Variants in MYO1D observed in about 807,000 individuals in gnomAD.
The protein encoded by MYO1D is unconventional myosin-Id.
A neutral mutation model predicts 122.0 loss-of-function variants in MYO1D; 83 were observed. The ratio of observed to expected loss-of-function variants is 0.68; its 90% CI spans 0.57 to 0.82. The LOEUF (loss-of-function observed/expected upper bound fraction) is 0.82, where lower values mean the gene tolerates loss of function less well. MYO1D is among the 40% of genes least tolerant of loss of function. The probability of loss-of-function intolerance (pLI) is 0.00; values close to 1 mark genes in which losing one functional copy is unlikely to be tolerated. For missense variants in MYO1D, 1,157 were observed against 1,269.5 expected, an observed-to-expected ratio of 0.91 and a Z score of 1.35; for synonymous variants, 464 against 446.9, an observed-to-expected ratio of 1.04 and a Z score of -0.48.
rs186338473 is a variant in MYO1D, at chr17:32,716,613, T to G, written c.1913+4410A>C. Among the ~76,000 whole-genome samples, 266 of 152,252 alleles carry G rather than the reference T, an allele frequency of 1.7e-3. 1 individual carries two copies. The highest frequency in any genetic ancestry group is 6.2e-3 in the African/African-American group (257 of 41,562). On this transcript the variant is annotated intron_variant, in intron 15 of 21. Transcript: ENST00000318217. ...AGAGGTAATACCAAACAATGTCACA[T>G]GAAAAAAAGTGAAATCAGAAACCTC...
intron 19 of MYO1D, among the ~76,000 whole-genome samples, chr17:32,642,271 T>C (rs2088212932): frequency 1.3e-5 from 2 of 152,248 alleles, no homozygotes; most frequent in Admixed American, 1.3e-4. Flanking sequence ...GAGGGCTCTG[T>C]TCTGTTCCAT....
At chr17:32,571,097 C>T (rs1162850506) in intron 21 of MYO1D, among the ~76,000 whole-genome samples, 1 of 151,950 alleles carries the variant, frequency 6.6e-6, no homozygotes, top group Non-Finnish European at 1.5e-5. Flanking sequence ...CACAGAAGGG[C>T]CCTTGGAAGA....
At chr17:32,701,059 T>A (rs1252907637) in intron 16 of MYO1D, among the ~76,000 whole-genome samples, 1 of 150,434 alleles carries the variant, frequency 6.6e-6, no homozygotes, top group African/African-American at 2.4e-5. Context: ...AAAAAGATAA[T>A]AAGCATAAAT....
At chr17:32,494,995 C>T in intron 21 of MYO1D, 80 bp from the exon 22 acceptor site, 1 of 1,448,348 alleles carries the variant, frequency 6.9e-7, no homozygotes. Flanking sequence ...TCCCGGCCAC[C>T]ATTGGCTCCG....
intron 1 of MYO1D, chr17:32,830,360 T>C (rs1175193092): frequency 1.3e-5 from 2 of 152,208 alleles, no homozygotes; most frequent in African/African-American, 4.8e-5. Flanking sequence ...TATCACACAA[T>C]TATCATTGAA....
chr17:32,766,031 C>T (rs910467506), intron 7 of MYO1D, among the ~76,000 whole-genome samples: 2 of 151,962 alleles, frequency 1.3e-5, no homozygotes, highest in African/African-American at 4.8e-5. Context: ...ACTACAGATG[C>T]GTGCCACCAT....
chr17:32,856,182 T>C (rs552056438), intron 1 of MYO1D, among the ~76,000 whole-genome samples: 1 of 152,266 alleles, frequency 6.6e-6, no homozygotes, highest in South Asian at 2.1e-4. Context: ...AGACTTCTGT[T>C]GTATGAGGGA....
intron 1 of MYO1D, among the ~76,000 whole-genome samples, chr17:32,808,920 T>C (rs1419295455): frequency 6.6e-6 from 1 of 152,152 alleles, no homozygotes; most frequent in African/African-American, 2.4e-5. Context: ...GACTAAGACA[T>C]TGAGAAATTT....
Position 32,499,878 on chromosome 17 carries a change from G to C in MYO1D, c.2865-4963C>G, listed in dbSNP as rs376235949. On this transcript the variant is annotated intron_variant, in intron 21 of 21. Coordinates refer to ENST00000318217, the MANE Select transcript of MYO1D (RefSeq NM_015194.3). Reference sequence around the variant, plus strand: ...CTTGGGAGACTGAGGTGGAAGAATCGCTGGAGCCTGGGAGGCGGAGGCTGC... The same window carrying C: ...CTTGGGAGACTGAGGTGGAAGAATCCCTGGAGCCTGGGAGGCGGAGGCTGC... Among the ~76,000 whole-genome samples, 51 of 152,234 alleles carry C rather than the reference G, an allele frequency of 3.4e-4. No individual in the cohort carries two copies. The South Asian group carries it at 9.1e-3, about 27-fold the overall frequency.
At chr17:32,498,738 C>G (rs1417660640) in intron 21 of MYO1D, 1 of 152,216 alleles carries the variant, frequency 6.6e-6, no homozygotes, top group African/African-American at 2.4e-5. Context: ...AGTTAAGTGT[C>G]AAGAACCTCC....
chr17:32,512,279 G>A (rs971857772), intron 21 of MYO1D, among the ~76,000 whole-genome samples: 2 of 150,586 alleles, frequency 1.3e-5, no homozygotes, highest in African/African-American at 2.5e-5. Flanking sequence ...CAGCCTGGGC[G>A]ACAAGAGTGA....
intron 16 of MYO1D, among the ~76,000 whole-genome samples, chr17:32,691,627 G>A (rs7220631): frequency 6.6e-6 from 1 of 151,894 alleles, no homozygotes; most frequent in Non-Finnish European, 1.5e-5. Context: ...GGCTGGTCTC[G>A]AACTCCTGAC....
chr17:32,739,671 ATAAT>A (rs1413019013), intron 13 of MYO1D, among the ~76,000 whole-genome samples: 1 of 152,192 alleles, frequency 6.6e-6, no homozygotes, highest in Admixed American at 6.5e-5. Flanking sequence ...AGAAGAGAAA[ATAAT>A]TAACATTAGC....
intron 21 of MYO1D, among the ~76,000 whole-genome samples, chr17:32,572,499 G>A (rs192506293): frequency 1.0e-3 from 159 of 152,232 alleles, no homozygotes; most frequent in African/African-American, 3.7e-3. Flanking sequence ...ACAAGCCACT[G>A]TCTTCTAATT....
At chr17:32,844,341 T>C (rs995595751) in intron 1 of MYO1D, among the ~76,000 whole-genome samples, 1 of 146,660 alleles carries the variant, frequency 6.8e-6, no homozygotes, top group Non-Finnish European at 1.5e-5. Flanking sequence ...TGTATATGTA[T>C]ATATTATATG....
chr17:32,542,512 G>A (rs1485926548), intron 21 of MYO1D, among the ~76,000 whole-genome samples: 1 of 151,626 alleles, frequency 6.6e-6, no homozygotes, highest in Non-Finnish European at 1.5e-5. Flanking sequence ...GTCCAAACAT[G>A]TGTATTAATG....
intron 1 of MYO1D, among the ~76,000 whole-genome samples, chr17:32,822,601 G>A (rs1215771101): frequency 6.7e-6 from 1 of 148,564 alleles, no homozygotes; most frequent in South Asian, 2.1e-4. Flanking sequence ...CGGCCGCGCC[G>A]AGCCGGGCCC....
chr17:32,690,905 T>C (rs1383512815), intron 16 of MYO1D, among the ~76,000 whole-genome samples: 3 of 152,192 alleles, frequency 2.0e-5, no homozygotes, highest in Non-Finnish European at 4.4e-5. Context: ...TCCTTTAAAG[T>C]CCTCTTTTCT....
chr17:32,721,788 C>A (rs150444817), intron 14 of MYO1D, among the ~76,000 whole-genome samples: 1 of 152,188 alleles, frequency 6.6e-6, no homozygotes, highest in African/African-American at 2.4e-5. Context: ...AGCTAGCAAT[C>A]CTTCCCTCTG....
Sources: gnomAD v4.1 joint callset for allele counts (sites outside exome capture counted in the v4.1 genomes callset) on GRCh38, gnomAD v4.1.1 for gene constraint, MANE v1.5 for transcripts, NCBI Gene and HGNC (gene_info 2026-07-23, HGNC 2026-07-21) for gene names.